C10orf67: variants seen among roughly 807,000 people sequenced by gnomAD.
The protein encoded by C10orf67 is chromosome 10 open reading frame 67, also known as uncharacterized protein C10orf67, mitochondrial.
In C10orf67, 60 loss-of-function variants were observed where a neutral mutation model predicts 35.6. The ratio of observed to expected loss-of-function variants is 1.68; its 90% CI spans 1.37 to 2.09. C10orf67 has a LOEUF of 2.09. Among genes scored for constraint, C10orf67 ranks in the 30% most tolerant of loss-of-function variants. The probability of loss-of-function intolerance (pLI) is 0.00; values close to 1 mark genes in which losing one functional copy is unlikely to be tolerated. For missense variants in C10orf67, 474 were observed against 330.2 expected (o/e 1.44, Z -3.38); for synonymous variants, 167 against 115.8 (o/e 1.44, Z -2.84).
At chr10:23,255,316 A>G (rs1206837395) in intron 10 of C10orf67, among the ~76,000 whole-genome samples, 1 of 152,252 alleles carries the variant, frequency 6.6e-6, no homozygotes, top group Non-Finnish European at 1.5e-5. Flanking sequence ...AGGTAGGCAA[A>G]TCTTTCAAAA....
chr10:23,271,227 C>A (rs1373271970), intron 8 of C10orf67, among the ~76,000 whole-genome samples: 2 of 152,204 alleles, frequency 1.3e-5, no homozygotes, highest in Non-Finnish European at 2.9e-5. Flanking sequence ...AGCTAACTAT[C>A]CTGAATGTAT....
At chr10:23,211,873 CA>C (rs1841318853) in intron 15 of C10orf67, among the ~76,000 whole-genome samples, 1 of 151,986 alleles carries the variant, frequency 6.6e-6, no homozygotes, top group African/African-American at 2.4e-5. Flanking sequence ...AAAAGAAAAG[CA>C]AAAAGACATA....
intron 10 of C10orf67, among the ~76,000 whole-genome samples, chr10:23,264,606 C>G (rs1165467923): frequency 6.6e-6 from 1 of 152,136 alleles, no homozygotes; most frequent in African/African-American, 2.4e-5. Flanking sequence ...ATATCTCTGC[C>G]CCTTGTGGCT....
intron 8 of C10orf67, among the ~76,000 whole-genome samples, chr10:23,273,200 T>A (rs1843080380): frequency 6.6e-6 from 1 of 152,216 alleles, no homozygotes; most frequent in African/African-American, 2.4e-5. Context: ...TTGCACTGGT[T>A]AGGACCTAAA....
At chr10:23,306,751 C>A (rs112126738) in intron 4 of C10orf67, among the ~76,000 whole-genome samples, 192 of 152,226 alleles carry the variant, frequency 1.3e-3, no homozygotes, top group African/African-American at 4.5e-3. Flanking sequence ...CCCCCCACCC[C>A]ACACACAGTA....
intron 8 of C10orf67, among the ~76,000 whole-genome samples, chr10:23,270,776 A>C (rs1842996557): frequency 6.6e-6 from 1 of 152,210 alleles, no homozygotes; most frequent in African/African-American, 2.4e-5. Context: ...GGTGGTTCAC[A>C]TGAGGAGGAG....
At chr10:23,219,803 A>G (rs894241090) in intron 15 of C10orf67, among the ~76,000 whole-genome samples, 1 of 152,188 alleles carries the variant, frequency 6.6e-6, no homozygotes, top group African/African-American at 2.4e-5. Context: ...TTCAAAACAT[A>G]TACTGTATGT....
At chr10:23,214,028 T>C (rs1354639990) in intron 15 of C10orf67, among the ~76,000 whole-genome samples, 2 of 151,690 alleles carry the variant, frequency 1.3e-5, no homozygotes, top group Non-Finnish European at 2.9e-5. Flanking sequence ...ACTACTAATA[T>C]GAAAGCTATT....
Position 23,309,888 on chromosome 10 carries a change from G to A in C10orf67, c.547-6429C>T, listed in dbSNP as rs11013379. ...AGACTCAAAGATTCCTCTTTCAGTC[G>A]GTCCTCAAACTTCAGCTGAAGCAAT... On this transcript the variant is annotated intron_variant, in intron 4 of 15. Coordinates refer to ENST00000636213, the MANE Select transcript of C10orf67 (RefSeq NM_001371909.1). Among the ~76,000 whole-genome samples, 113 of 152,130 alleles carry A rather than the reference G, an allele frequency of 7.4e-4. No homozygotes were observed. In the South Asian group the frequency reaches 0.015, roughly 20 times the overall value.
rs1689174084 is a variant in C10orf67 at position 23,322,280 on chromosome 10, C to T, written c.471+114G>A. The T allele has an allele frequency of 4.5e-6, 5 of 1,123,408 alleles. No individual in the cohort carries two copies. In the South Asian group the frequency reaches 6.4e-5, roughly 14 times the overall value. 69.6% of individuals were successfully genotyped at this position (1,123,408 alleles called of 1,614,324 possible). Reference sequence around the variant, plus strand: ...TGTGTATTAATTACCACATGAGACACAACTAATGCAAATTACACTGCCCTC... The same window carrying T: ...TGTGTATTAATTACCACATGAGACATAACTAATGCAAATTACACTGCCCTC... On this transcript the variant is annotated intron_variant, in intron 3 of 15. Coordinates refer to ENST00000636213, the MANE Select transcript of C10orf67 (RefSeq NM_001371909.1).
intron 5 of C10orf67, among the ~76,000 whole-genome samples, chr10:23,294,367 GCA>G (rs149905993): frequency 2.8e-4 from 42 of 148,504 alleles, no homozygotes; most frequent in Admixed American, 1.4e-3. Flanking sequence ...ACATGCACAG[GCA>G]CACACACACA....
chr10:23,273,518 C>T (rs1279311388), intron 8 of C10orf67, among the ~76,000 whole-genome samples: 1 of 152,158 alleles, frequency 6.6e-6, no homozygotes, highest in Non-Finnish European at 1.5e-5. Context: ...TGTACTATAG[C>T]ATCAGCTTGC....
At chr10:23,316,420 C>T (rs1202328074) in intron 4 of C10orf67, among the ~76,000 whole-genome samples, 4 of 152,212 alleles carry the variant, frequency 2.6e-5, no homozygotes, top group Admixed American at 2.6e-4. Flanking sequence ...GGTCTGGGCG[C>T]CCCCAAGGGC....
intron 7 of C10orf67, among the ~76,000 whole-genome samples, chr10:23,287,381 T>C (rs978866380): frequency 6.6e-6 from 1 of 152,078 alleles, no homozygotes; most frequent in Non-Finnish European, 1.5e-5. Flanking sequence ...GGGGAAAGGA[T>C]CTCCTATCCA....
At chr10:23,257,518 T>C (rs1328142896) in intron 10 of C10orf67, among the ~76,000 whole-genome samples, 1 of 152,094 alleles carries the variant, frequency 6.6e-6, no homozygotes, top group East Asian at 1.9e-4. Flanking sequence ...ATATCAAAAC[T>C]GTTGCCTGGT....
At chr10:23,308,072 T>A (rs999164620) in intron 4 of C10orf67, among the ~76,000 whole-genome samples, 1 of 152,160 alleles carries the variant, frequency 6.6e-6, no homozygotes, top group Non-Finnish European at 1.5e-5. Flanking sequence ...ATCCAACAGA[T>A]CCAAACAGAG....
intron 2 of C10orf67, among the ~76,000 whole-genome samples, chr10:23,329,404 T>C (rs948050964): frequency 2.6e-5 from 4 of 152,028 alleles, no homozygotes; most frequent in Non-Finnish European, 4.4e-5. Flanking sequence ...AATACATACA[T>C]AACAAAATAA....
At chr10:23,238,189 T>A (rs1842094724) in intron 13 of C10orf67, among the ~76,000 whole-genome samples, 1 of 152,224 alleles carries the variant, frequency 6.6e-6, no homozygotes, top group Non-Finnish European at 1.5e-5. Flanking sequence ...GGTACGTATG[T>A]GTACTCAACA....
At chr10:23,279,099 T>C (rs997218817) in intron 8 of C10orf67, among the ~76,000 whole-genome samples, 2 of 152,166 alleles carry the variant, frequency 1.3e-5, no homozygotes, top group East Asian at 1.9e-4. Flanking sequence ...ATTTTATAAA[T>C]GTTATTTTAA....
Sources: gnomAD v4.1 joint callset for allele counts (sites outside exome capture counted in the v4.1 genomes callset) on GRCh38, gnomAD v4.1.1 for gene constraint, MANE v1.5 for transcripts, NCBI Gene and HGNC (gene_info 2026-07-23, HGNC 2026-07-21) for gene names.